The following RXFP2 variants were observed in gnomAD, a reference collection of about 807,000 sequenced individuals.
The protein encoded by RXFP2 is relaxin family peptide receptor 2, also known as relaxin receptor 2.
RXFP2 carries 68 observed loss-of-function variants against 88.6 expected under a neutral mutation model. The observed-to-expected ratio is 0.77, with a 90% CI of 0.63 to 0.94. RXFP2 has a LOEUF of 0.94. RXFP2 is among the 40% of genes least tolerant of loss of function. RXFP2 has a pLI of 0.00. For missense variants in RXFP2, 791 were observed against 893.9 expected (o/e 0.88, Z 1.47); for synonymous variants, 329 against 306.8 (o/e 1.07, Z -0.76).
chr13:31,777,106 T>C (rs1404661038), intron 7 of RXFP2, among the ~76,000 whole-genome samples: 1 of 152,138 alleles, frequency 6.6e-6, no homozygotes, highest in African/African-American at 2.4e-5. Flanking sequence ...AGGTGACAGA[T>C]ACAACCTGGG....
rs1408642865 is a variant in RXFP2 at position 31,793,006 on chromosome 13, G to GA, written c.1709dup (p.Asn570LysfsTer10). The GA allele has an allele frequency of 6.2e-7, 1 of 1,613,680 alleles. No homozygotes were observed. Among genetic ancestry groups the GA allele is most frequent in the Non-Finnish European group, 8.5e-7 (1 of 1,179,786 alleles). On this transcript the variant is annotated frameshift_variant, in exon 16 of 18. Transcript: ENST00000298386. LOFTEE classifies it high-confidence loss of function. ...AGGATTATTTTGGAAACTTTTATGGGAAAAATGGAGTATGTTTCCCACTTT... is the reference window on the plus strand; with the variant it reads ...AGGATTATTTTGGAAACTTTTATGGGAAAAAATGGAGTATGTTTCCCACTTT...
At chr13:31,781,791 G>C (rs972184635) in intron 10 of RXFP2, 49 bp downstream of exon 10, 12 of 1,463,868 alleles carry the variant, frequency 8.2e-6, no homozygotes, top group Non-Finnish European at 1.1e-5. Context: ...CTATATATTT[G>C]GAAGTTAAAA....
chr13:31,764,369 C>T (rs769332648), intron 3 of RXFP2, among the ~76,000 whole-genome samples: 5 of 151,766 alleles, frequency 3.3e-5, no homozygotes, highest in Non-Finnish European at 5.9e-5. Context: ...CTAGTAACTA[C>T]GTAAGTCCCT....
intron 16 of RXFP2, among the ~76,000 whole-genome samples, chr13:31,796,271 G>A (rs1234267956): frequency 2.7e-5 from 4 of 150,856 alleles, no homozygotes; most frequent in African/African-American, 7.3e-5. Flanking sequence ...GGATGGTCTC[G>A]ATCTCCTGAC....
chr13:31,767,882 T>TG (rs1872605968), intron 5 of RXFP2, among the ~76,000 whole-genome samples: 1 of 152,060 alleles, frequency 6.6e-6, no homozygotes, highest in Non-Finnish European at 1.5e-5. Context: ...CCCCCTAATC[T>TG]GGGGCAAGCT....
chr13:31,752,305 T>G (rs947662468), intron 1 of RXFP2, among the ~76,000 whole-genome samples: 1 of 151,996 alleles, frequency 6.6e-6, no homozygotes. Flanking sequence ...AATCTGTGGA[T>G]AGGGTCCTGA....
At chr13:31,782,591 T>A in intron 10 of RXFP2, 85 bp from the exon 11 acceptor site, 2 of 980,954 alleles carry the variant, frequency 2.0e-6, no homozygotes, top group Non-Finnish European at 3.3e-6. Flanking sequence ...TATAAAATTC[T>A]GCCTGGATCA....
intron 11 of RXFP2, among the ~76,000 whole-genome samples, chr13:31,783,983 A>ATTTTTTTTTTTTTTTTTTTTTTTTTTT (rs10686799): frequency 8.2e-6 from 1 of 121,572 alleles, no homozygotes. Context: ...TGCCTGGCTA[A>ATTTTTTTTTTTTTTTTTTTTTTTTTTT]TTTTTTTTTT....
At chr13:31,798,489 A>G (rs939660264) in intron 17 of RXFP2, among the ~76,000 whole-genome samples, 6 of 152,188 alleles carry the variant, frequency 3.9e-5, no homozygotes, top group Non-Finnish European at 7.3e-5. Context: ...GGGGAGACCC[A>G]GTTGCACGTG....
intron 1 of RXFP2, among the ~76,000 whole-genome samples, chr13:31,743,066 A>G (rs958666326): frequency 6.6e-5 from 10 of 152,230 alleles, no homozygotes; most frequent in African/African-American, 2.4e-4. Flanking sequence ...TAAAAAATTA[A>G]GTTTGCAGTG....
chr13:31,772,673 T>C (rs1468198281), intron 5 of RXFP2, among the ~76,000 whole-genome samples: 1 of 152,188 alleles, frequency 6.6e-6, no homozygotes, highest in Admixed American at 6.5e-5. Context: ...TAGGAGGGAC[T>C]ACAGTTCTCT....
At chr13:31,792,578 A>G (rs1172908761) in intron 15 of RXFP2, 100 bp from the exon 16 acceptor site, 1 of 1,145,658 alleles carries the variant, frequency 8.7e-7, no homozygotes, top group Non-Finnish European at 1.3e-6. Flanking sequence ...AAGGAACTAG[A>G]TCTAATTAGA....
At chr13:31,768,337 T>C (rs1872624924) in intron 5 of RXFP2, among the ~76,000 whole-genome samples, 1 of 152,194 alleles carries the variant, frequency 6.6e-6, no homozygotes, top group Non-Finnish European at 1.5e-5. Context: ...GTCTATTATA[T>C]GTAAGATAAA....
At chr13:31,742,725 T>C (rs1436291277) in intron 1 of RXFP2, among the ~76,000 whole-genome samples, 1 of 152,214 alleles carries the variant, frequency 6.6e-6, no homozygotes, top group Non-Finnish European at 1.5e-5. Flanking sequence ...ATTGGGATGC[T>C]GCTTTCTAAT....
chr13:31,789,065 G>A, intron 13 of RXFP2, 57 bp from the exon 14 acceptor site: 1 of 1,015,914 alleles, frequency 9.8e-7, no homozygotes, highest in Non-Finnish European at 1.6e-6. Context: ...GATGAAGAAT[G>A]CAATTATTAA....
intron 6 of RXFP2, 140 bp downstream of exon 6, chr13:31,774,831 C>T: frequency 1.5e-6 from 1 of 672,868 alleles, no homozygotes; most frequent in Non-Finnish European, 2.7e-6. Flanking sequence ...TTAGTTATTA[C>T]ACTGAAAGAA....
At chr13:31,757,862 G>C (rs1334967867) in intron 1 of RXFP2, among the ~76,000 whole-genome samples, 2 of 152,188 alleles carry the variant, frequency 1.3e-5, no homozygotes, top group African/African-American at 4.8e-5. Flanking sequence ...GGGAGGCCAA[G>C]GTGGGCAGAT....
At chr13:31,801,794 C>T (rs1408978781) in intron 17 of RXFP2, among the ~76,000 whole-genome samples, 11 of 152,126 alleles carry the variant, frequency 7.2e-5, no homozygotes, top group Admixed American at 7.2e-4. Context: ...GAACCTCACT[C>T]TATTGACTAA....
chr13:31,744,498 G>T (rs930482659), intron 1 of RXFP2, among the ~76,000 whole-genome samples: 2 of 152,040 alleles, frequency 1.3e-5, no homozygotes, highest in Non-Finnish European at 2.9e-5. Flanking sequence ...CTCTCCAAAG[G>T]GTTTCTGCTA....
Sources: gnomAD v4.1 joint callset for allele counts (sites outside exome capture counted in the v4.1 genomes callset) on GRCh38, gnomAD v4.1.1 for gene constraint, MANE v1.5 for transcripts, NCBI Gene and HGNC (gene_info 2026-07-23, HGNC 2026-07-21) for gene names.